UVRAG: variants seen among roughly 807,000 people sequenced by gnomAD.
The protein encoded by UVRAG is UV radiation resistance associated, also known as UV radiation resistance-associated gene protein.
A neutral mutation model predicts 78.0 loss-of-function variants in UVRAG; 19 were observed. That is an observed-to-expected ratio of 0.24 (90% CI 0.17 to 0.36). The LOEUF is 0.36. Among genes scored for constraint, UVRAG ranks in the 10% least tolerant of loss-of-function variants. UVRAG has a pLI of 1.00. For synonymous variants in UVRAG, 323 were observed against 324.6 expected, an observed-to-expected ratio of 1.00 and a Z score of 0.05; for missense variants, 740 against 853.8, an observed-to-expected ratio of 0.87 and a Z score of 1.66.
chr11:75,983,401 A>G lies in UVRAG; in HGVS notation c.714A>G (p.Glu238=), dbSNP rs1949432106. The G allele has an allele frequency of 6.3e-7, 1 of 1,593,494 alleles. No homozygotes were observed. Among genetic ancestry groups the G allele is most frequent in the Non-Finnish European group, 8.5e-7 (1 of 1,171,520 alleles). ...TATTTATTTAGAAAAAAAAAAGTGA[A>G]TGCCTGCAGTTAAAAATTTTGGTGC... ...STSNELKKKS[E]CLQLKILVLQ... Residue 238 remains glutamate (E), a synonymous_variant, in exon 8 of 15, where the codon GAA becomes GAG. Transcript: ENST00000356136.
chr11:75,828,782 T>TATATATATATATATATATACACAC (rs1945587479), intron 1 of UVRAG, among the ~76,000 whole-genome samples: 2 of 72,584 alleles, frequency 2.8e-5, no homozygotes, highest in Admixed American at 1.5e-4. Flanking sequence ...TATACACACA[T>TATATATATATATATATATACACAC]ATATATATAT....
rs369823355 is a variant in UVRAG, at chr11:75,847,923, A to G, written c.118-3960A>G. 1.3e-4 allele frequency among the ~76,000 whole-genome samples: 20 copies of G among 150,920 alleles called. No individual in the cohort carries two copies. The South Asian group carries it at 4.2e-3, about 32-fold the overall frequency. ...GAGGCGGAGATTGCAGTGAGCCGAG[A>G]TCGCACCACTGCACTCCAGCCTGGC... On this transcript the variant is annotated intron_variant, in intron 1 of 14. Coordinates refer to ENST00000356136, the MANE Select transcript of UVRAG (RefSeq NM_003369.4).
chr11:75,886,144 T>C (rs1947073550), intron 4 of UVRAG, among the ~76,000 whole-genome samples: 1 of 152,162 alleles, frequency 6.6e-6, no homozygotes, highest in South Asian at 2.1e-4. Context: ...AGAACTCAGG[T>C]TACTTACTTT....
At position 75,894,961 on chromosome 11, in the gene UVRAG, G is replaced by A. The variant is rs189220455; in HGVS notation, c.507+6058G>A. 1.4e-3 allele frequency among the ~76,000 whole-genome samples: 216 copies of A among 152,256 alleles called. 1 individual carries two copies. Among genetic ancestry groups the A allele is most frequent in the Non-Finnish European group, 2.4e-3 (162 of 68,004 alleles). ...ACATGTAGTGTGGGGGTAGCATTAT[G>A]TCCAAATATATTTGTAATCACAATA... On this transcript the variant is annotated intron_variant, in intron 5 of 14. Coordinates refer to ENST00000356136, the MANE Select transcript of UVRAG (RefSeq NM_003369.4).
intron 6 of UVRAG, among the ~76,000 whole-genome samples, chr11:75,920,008 G>GTTTTTTGTTTTTTT (rs1947941022): frequency 5.4e-5 from 3 of 55,462 alleles, no homozygotes; most frequent in African/African-American, 1.7e-4. Flanking sequence ...AATAATTTTG[G>GTTTTTTGTTTTTTT]TTTTTTTTTT....
At chr11:75,983,695 T>C (rs1401416375) in intron 8 of UVRAG, 182 bp downstream of exon 8, 1 of 820,942 alleles carries the variant, frequency 1.2e-6, no homozygotes, top group East Asian at 2.9e-5. Context: ...TCATAGAGTA[T>C]GTTTACACAA....
rs537910898 is a variant in UVRAG at position 75,967,397 on chromosome 11, G to A, written c.699+5848G>A. Among the ~76,000 whole-genome samples, 15 of 152,328 alleles carry A rather than the reference G, an allele frequency of 9.8e-5. No homozygotes were observed. In the East Asian group the frequency reaches 2.9e-3, roughly 29 times the overall value. ...AAATCTTTTCCTTTTCTTAGTGGTT[G>A]ACTAGGTGTAGGTCCAGTAGAAACA... On this transcript the variant is annotated intron_variant, in intron 7 of 14. Coordinates refer to ENST00000356136, the MANE Select transcript of UVRAG (RefSeq NM_003369.4).
At chr11:76,052,012 C>T (rs1344438800) in intron 12 of UVRAG, among the ~76,000 whole-genome samples, 1 of 152,162 alleles carries the variant, frequency 6.6e-6, no homozygotes. Context: ...GGCCTTCTTG[C>T]CAATCCTTGA....
chr11:76,115,808 T>C, intron 13 of UVRAG, 116 bp from the exon 14 acceptor site: 6 of 907,820 alleles, frequency 6.6e-6, no homozygotes, highest in Non-Finnish European at 1.0e-5. Flanking sequence ...GATAATAGTA[T>C]CAAACATTTA....
At chr11:75,958,394 C>A (rs1433459547) in intron 6 of UVRAG, among the ~76,000 whole-genome samples, 2 of 152,086 alleles carry the variant, frequency 1.3e-5, no homozygotes, top group East Asian at 3.9e-4. Context: ...TTTTTGTTGT[C>A]ATTTCAACAG....
intron 13 of UVRAG, among the ~76,000 whole-genome samples, chr11:76,093,633 G>T (rs879498438): frequency 2.0e-5 from 3 of 152,156 alleles, no homozygotes; most frequent in Admixed American, 1.3e-4. Flanking sequence ...GTGAATGGGA[G>T]TTCACTCATG....
At chr11:75,939,913 C>T (rs1174269597) in intron 6 of UVRAG, among the ~76,000 whole-genome samples, 2 of 152,178 alleles carry the variant, frequency 1.3e-5, no homozygotes, top group African/African-American at 2.4e-5. Flanking sequence ...TGTGTTTACT[C>T]ATTTTCTTCA....
chr11:76,099,443 A>G (rs1489158700), intron 13 of UVRAG, among the ~76,000 whole-genome samples: 1 of 152,178 alleles, frequency 6.6e-6, no homozygotes, highest in African/African-American at 2.4e-5. Context: ...GGGCCTAATC[A>G]ATAGAAAATG....
At chr11:75,993,398 G>A (rs900061776) in intron 8 of UVRAG, among the ~76,000 whole-genome samples, 3 of 152,130 alleles carry the variant, frequency 2.0e-5, no homozygotes, top group Non-Finnish European at 4.4e-5. Flanking sequence ...ACTTCCAGCT[G>A]GGTCATGAGC....
At chr11:76,049,510 G>A (rs1173579466) in intron 12 of UVRAG, among the ~76,000 whole-genome samples, 1 of 152,134 alleles carries the variant, frequency 6.6e-6, no homozygotes, top group Non-Finnish European at 1.5e-5. Flanking sequence ...AAATCCCTTA[G>A]TTTTTAATAG....
At chr11:76,050,315 T>C (rs1950839397) in intron 12 of UVRAG, among the ~76,000 whole-genome samples, 2 of 152,242 alleles carry the variant, frequency 1.3e-5, no homozygotes, top group South Asian at 4.1e-4. Flanking sequence ...ATCTTCCGTA[T>C]TGATTCCTGT....
chr11:76,140,492 G>A (rs902732393), intron 14 of UVRAG, among the ~76,000 whole-genome samples: 1 of 152,038 alleles, frequency 6.6e-6, no homozygotes, highest in African/African-American at 2.4e-5. Flanking sequence ...ATATATTGCA[G>A]TGTGTCTGTA....
At chr11:76,083,129 C>T (rs1352271890) in intron 13 of UVRAG, among the ~76,000 whole-genome samples, 2 of 152,208 alleles carry the variant, frequency 1.3e-5, no homozygotes, top group African/African-American at 4.8e-5. Flanking sequence ...AAAAGAATAT[C>T]TGCTTTTATT....
At chr11:75,930,929 TTCTTTC>T (rs1407248135) in intron 6 of UVRAG, 2 of 118,428 alleles carry the variant, frequency 1.7e-5, no homozygotes, top group African/African-American at 7.7e-5. Flanking sequence ...TGTCGGGATT[TTCTTTC>T]TTTCTTTCTT....
Sources: allele counts gnomAD v4.1 joint callset (sites outside exome capture counted in the v4.1 genomes callset), GRCh38; gene constraint gnomAD v4.1.1; transcripts MANE v1.5; gene names NCBI Gene and HGNC (gene_info 2026-07-23, HGNC 2026-07-21).